Variants in TSPAN17 observed in about 807,000 individuals in gnomAD.
TSPAN17 encodes the protein tetraspanin 17.
A neutral mutation model predicts 40.5 loss-of-function variants in TSPAN17; 33 were observed. That is an observed-to-expected ratio of 0.81 (90% confidence interval 0.62 to 1.09). TSPAN17 has a LOEUF of 1.09. Ranked by LOEUF, TSPAN17 falls within the 50% of genes least tolerant of loss-of-function variation. The probability of loss-of-function intolerance (pLI) is 0.00; values close to 1 mark genes in which losing one functional copy is unlikely to be tolerated. For missense variants in TSPAN17, 365 were observed against 416.8 expected (o/e 0.88, Z 1.08); for synonymous variants, 166 against 169.4 (o/e 0.98, Z 0.15).
Position 176,652,922 on chromosome 5 carries a change from A to G in TSPAN17, c.456+9A>G. 1 of 1,613,958 alleles carries G rather than the reference A, an allele frequency of 6.2e-7. No individual in the cohort carries two copies. On this transcript the variant is annotated intron_variant, in intron 4 of 8. Transcript: ENST00000508164. Reference sequence around the variant, plus strand: ...ACTTTGCTCAGGAATACGTGAGTCCAGTGTCCAGCCTGGGACACCTGTAGG... The same window carrying G: ...ACTTTGCTCAGGAATACGTGAGTCCGGTGTCCAGCCTGGGACACCTGTAGG...
In TSPAN17 at chr5:176,654,641, C is replaced by A; in HGVS notation, c.457-254C>A. On this transcript the variant is annotated intron_variant, in intron 4 of 8. Transcript: ENST00000508164. The surrounding 1 kb of genome is among the most constrained non-coding windows in gnomAD (Gnocchi z 4.3). Reference sequence around the variant, plus strand: ...CAGTCATTGAACCAGTATCCTTGTCCCACTCCCTCCCTTTTTCTAGCCTCT... The same window carrying A: ...CAGTCATTGAACCAGTATCCTTGTCACACTCCCTCCCTTTTTCTAGCCTCT... 1 of 495,510 alleles carries A rather than the reference C, an allele frequency of 2.0e-6. No individual in the cohort carries two copies. 30.7% of individuals were successfully genotyped at this position (495,510 alleles called of 1,614,324 possible).
At position 176,657,541 on chromosome 5, in the gene TSPAN17, A is replaced by G. The variant is rs1389239193; in HGVS notation, c.833A>G (p.Glu278Gly). 3.1e-6 allele frequency: 5 copies of G among 1,602,966 alleles called. No individual in the cohort carries two copies. The highest frequency in any genetic ancestry group is 4.5e-5 in the East Asian group (2 of 44,508). The change falls in exon 9 of 9, where the codon GAA (glutamate) becomes GGA (glycine). Residue 278 changes from glutamate (E) to glycine (G), a missense_variant. By Grantham distance (98) the Glu-to-Gly change is moderately conservative (BLOSUM62 -2). Transcript: ENST00000508164. ...AGGAGCAAATGGAATGATGACTTTGAAAACCACTGGCTTACGCCCACCATT... is the reference window on the plus strand; with the variant it reads ...AGGAGCAAATGGAATGATGACTTTGGAAACCACTGGCTTACGCCCACCATT... ...ANWSKWNDDF[E>G]NHWLTPTISE...
chr5:176,650,707 C>A lies in TSPAN17; in HGVS notation c.88-909C>A, dbSNP rs1040301229. Among the ~76,000 whole-genome samples the A allele has an allele frequency of 1.3e-5, 2 of 152,142 alleles. No individual in the cohort carries two copies. Among genetic ancestry groups the A allele is most frequent in the African/African-American group, 4.8e-5 (2 of 41,440 alleles). ...AAGGGAAGGTGATAAAGGCCTTGGC[C>A]GTGGCTATGTGCTGAGGGGAAGGAG... is the stretch of plus-strand genomic sequence containing the variant. On this transcript the variant is annotated intron_variant, in intron 1 of 8. Coordinates refer to ENST00000508164, the MANE Select transcript of TSPAN17 (RefSeq NM_130465.5). This position sits in a 1 kb window ranked among gnomAD's most constrained non-coding sequence, Gnocchi z 4.0.
At chr5:176,648,760 C>T (rs544315039) in intron 1 of TSPAN17, among the ~76,000 whole-genome samples, 4 of 152,192 alleles carry the variant, frequency 2.6e-5, no homozygotes, top group Admixed American at 6.5e-5. Context: ...GCCTGGGAGA[C>T]GACGATAAAG....
At chr5:176,656,188 G>A in intron 6 of TSPAN17, 63 bp downstream of exon 6, 2 of 1,540,010 alleles carry the variant, frequency 1.3e-6, no homozygotes, top group Admixed American at 1.7e-5. Flanking sequence ...GTATGAGAGT[G>A]TCTATAACCT....
intron 8 of TSPAN17, 113 bp downstream of exon 8, chr5:176,657,069 C>A: frequency 2.6e-6 from 3 of 1,164,344 alleles, no homozygotes; most frequent in Non-Finnish European, 3.6e-6. Flanking sequence ...GATGTTCCTG[C>A]TGGGACTGAG....
In TSPAN17 at chr5:176,652,860, G is replaced by A. The variant is rs1038453669; in HGVS notation, c.403G>A (p.Ala135Thr). 6.2e-7 allele frequency: 1 copy of A among 1,614,168 alleles called. No homozygotes were observed. The highest frequency in any genetic ancestry group is 8.5e-7 in the Non-Finnish European group (1 of 1,180,014). ...CCTCTTCATCAACAACAACGTCAAG[G>A]CCTACCGGGACGACATTGACCTCCA... is the stretch of plus-strand genomic sequence containing the variant. ...LNLFINNNVK[A>T]YRDDIDLQNL... The change falls in exon 4 of 9, where the codon GCC becomes ACC. Residue 135 changes from alanine (A) to threonine (T), a missense_variant. Physicochemically the swap from Ala to Thr is moderately conservative, Grantham distance 58. Coordinates refer to ENST00000508164, the MANE Select transcript of TSPAN17 (RefSeq NM_130465.5).
Position 176,656,949 on chromosome 5 carries a change from G to A in TSPAN17, c.802G>A (p.Ala268Thr). 1 of 1,613,224 alleles carries A rather than the reference G, an allele frequency of 6.2e-7. No homozygotes were observed. Among genetic ancestry groups the A allele is most frequent in the Non-Finnish European group, 8.5e-7 (1 of 1,179,398 alleles). ...NLVSDIKAVK[A>T]NWSKWNDDFE... The stretch of plus-strand genomic sequence containing the variant: ...CGTGAGTGACATCAAGGCAGTGAAA[G>A]CCAACTGGTGAGGCCGCCAGAGGCC... The change falls in exon 8 of 9, where the codon GCC (alanine) becomes ACC (threonine). Residue 268 changes from alanine (A) to threonine (T), a missense_variant. Coordinates refer to ENST00000508164, the MANE Select transcript of TSPAN17 (RefSeq NM_130465.5).
rs1325544386 is a variant in TSPAN17, at chr5:176,650,433, C to T, written c.88-1183C>T. Reference sequence around the variant, plus strand: ...TCTGATTGGCTGCCTCTGGACCAATCCCCGGGGCAGGTGAAGGCGGAGCAT... The same window carrying T: ...TCTGATTGGCTGCCTCTGGACCAATTCCCGGGGCAGGTGAAGGCGGAGCAT... On this transcript the variant is annotated intron_variant, in intron 1 of 8. Coordinates refer to ENST00000508164, the MANE Select transcript of TSPAN17 (RefSeq NM_130465.5). This position sits in a 1 kb window ranked among gnomAD's most constrained non-coding sequence, Gnocchi z 4.0. 6.6e-6 allele frequency among the ~76,000 whole-genome samples: 1 copy of T among 152,126 alleles called. No individual in the cohort carries two copies. Among genetic ancestry groups the T allele is most frequent in the Non-Finnish European group, 1.5e-5 (1 of 68,034 alleles).
chr5:176,655,966 C>A, intron 5 of TSPAN17, 112 bp from the exon 6 acceptor site: 1 of 933,312 alleles, frequency 1.1e-6, no homozygotes, highest in Non-Finnish European at 1.8e-6. Context: ...ACGGCAGAAT[C>A]CACGGGCCCA....
In TSPAN17 at chr5:176,650,628, G is replaced by C. The variant is rs1036488178; in HGVS notation, c.88-988G>C. Among the ~76,000 whole-genome samples the C allele has an allele frequency of 6.6e-6, 1 of 152,224 alleles. No homozygotes were observed. Among genetic ancestry groups the C allele is most frequent in the African/African-American group, 2.4e-5 (1 of 41,450 alleles). On this transcript the variant is annotated intron_variant, in intron 1 of 8. Transcript: ENST00000508164. The surrounding 1 kb of genome is among the most constrained non-coding windows in gnomAD (Gnocchi z 4.0). The stretch of plus-strand genomic sequence containing the variant: ...AGCAGACCCAGCAGGCAGGAGGGAA[G>C]GGAAGATGTTTCCAGAGAAAGAATA...
chr5:176,647,773 G>A (rs1002592874), intron 1 of TSPAN17, 71 bp downstream of exon 1: 12 of 1,394,110 alleles, frequency 8.6e-6, no homozygotes, highest in Non-Finnish European at 1.2e-5. Flanking sequence ...CTTTTGCTGG[G>A]GGAGACCACT....
intron 1 of TSPAN17, 132 bp downstream of exon 1, chr5:176,647,834 CCCACGCCCACTT>C: frequency 2.3e-6 from 2 of 851,182 alleles, no homozygotes; most frequent in South Asian, 3.8e-5. Context: ...TTCTGCCACA[CCCACGCCCACTT>C]CCAGGACCAC....
Position 176,647,559 on chromosome 5 carries a change from G to T in TSPAN17, c.-57G>T. 6.7e-7 allele frequency: 1 copy of T among 1,485,554 alleles called. No individual in the cohort carries two copies. 92.0% of individuals were successfully genotyped at this position (1,485,554 alleles called of 1,614,324 possible). A position where few individuals can be genotyped will look rare whatever the true frequency, so the allele number is the denominator to read the frequency against. Reference sequence around the variant, plus strand: ...GCGGCTCTAGCCCAGGGCGGCCCGCGGGGCGCTGGGCCTGGCTCCCGGCTC... The same window carrying T: ...GCGGCTCTAGCCCAGGGCGGCCCGCTGGGCGCTGGGCCTGGCTCCCGGCTC... On this transcript the variant is annotated 5_prime_UTR_variant, in exon 1 of 9. Coordinates refer to ENST00000508164, the MANE Select transcript of TSPAN17 (RefSeq NM_130465.5).
intron 5 of TSPAN17, 101 bp downstream of exon 5, chr5:176,655,121 C>T (rs576184799): frequency 8.1e-5 from 114 of 1,403,538 alleles, no homozygotes; most frequent in Middle Eastern, 6.1e-4. Flanking sequence ...GCTCTGGGGG[C>T]GTGGATGCTG....
chr5:176,649,015 G>A (rs547369078), intron 1 of TSPAN17, among the ~76,000 whole-genome samples: 6 of 152,298 alleles, frequency 3.9e-5, no homozygotes, highest in East Asian at 1.9e-4. Context: ...GGGAGCAGGC[G>A]TGAGAGACCC....
chr5:176,657,017 C>T (rs1761184268), intron 8 of TSPAN17, 61 bp downstream of exon 8: 29 of 1,534,594 alleles, frequency 1.9e-5, no homozygotes, highest in Non-Finnish European at 2.4e-5. Context: ...GGGGGCCCCC[C>T]AGGACCCTCC....
In TSPAN17 at chr5:176,656,134, G is replaced by C; in HGVS notation, c.630+9G>C. ...ACGTCCGGCTCAAACTGGTGAGAGG[G>C]GTAGGAACCGGGCTGGGGCAGGCAG... On this transcript the variant is annotated intron_variant, in intron 6 of 8. Transcript: ENST00000508164. The C allele has an allele frequency of 1.9e-6, 3 of 1,614,114 alleles. No homozygotes were observed. The highest frequency in any genetic ancestry group is 2.5e-6 in the Non-Finnish European group (3 of 1,179,990).
chr5:176,647,915 C>T (rs1360492836), intron 1 of TSPAN17, among the ~76,000 whole-genome samples: 1 of 151,534 alleles, frequency 6.6e-6, no homozygotes, highest in African/African-American at 2.4e-5. Flanking sequence ...AGCGTGGGGT[C>T]GGGGTTGGGG....
Sources: allele counts gnomAD v4.1 joint callset (sites outside exome capture counted in the v4.1 genomes callset), GRCh38; gene constraint gnomAD v4.1.1; non-coding constraint Gnocchi (gnomAD v3.1); transcripts MANE v1.5; gene names NCBI Gene and HGNC (gene_info 2026-07-23, HGNC 2026-07-21).